The following DCAF8L2 variants were observed in gnomAD, a reference collection of about 807,000 sequenced individuals.
The protein encoded by DCAF8L2 is DDB1 and CUL4 associated factor 8 like 2.
For missense variants in DCAF8L2, 430 were observed against 490.7 expected (o/e 0.88, Z 1.17); for synonymous variants, 200 against 190.9 (o/e 1.05, Z -0.39).
intron 3 of DCAF8L2, among the ~76,000 whole-genome samples, chrX:27,699,991 C>T (rs912852621): frequency 1.1e-4 from 12 of 111,135 alleles, no homozygotes; most frequent in African/African-American, 3.3e-4. Flanking sequence ...GCTATGATTG[C>T]ATCACTGCAC....
intron 2 of DCAF8L2, among the ~76,000 whole-genome samples, chrX:27,659,624 A>G (rs1403373865): frequency 9.2e-6 from 1 of 108,368 alleles, no homozygotes; most frequent in Non-Finnish European, 1.9e-5. Flanking sequence ...AGCTCTCTTC[A>G]TTTTTTTTTC....
chrX:27,685,652 C>T (rs747495516), intron 3 of DCAF8L2, among the ~76,000 whole-genome samples: 5 of 111,866 alleles, frequency 4.5e-5, no homozygotes, highest in Admixed American at 1.9e-4. Flanking sequence ...TGGTGCAACA[C>T]TTCAGGACAT....
intron 2 of DCAF8L2, among the ~76,000 whole-genome samples, chrX:27,663,361 T>C (rs1343201687): frequency 1.8e-5 from 2 of 112,279 alleles, no homozygotes; most frequent in Non-Finnish European, 3.8e-5. Context: ...CAATTCTGCA[T>C]TGAGCAAGTA....
chrX:27,596,965 A>G lies in DCAF8L2; in HGVS notation c.-342+6525A>G, dbSNP rs1236802516. 9.4e-4 allele frequency among the ~76,000 whole-genome samples: 105 copies of G among 111,180 alleles called. No homozygotes were observed. In the East Asian group the frequency reaches 0.013, roughly 13 times the overall value. ...TTTTTTTGGCAGCTAAAATAATTGT[A>G]TTTGTTTTCTGTTGTTATTAGAAAA... On this transcript the variant is annotated intron_variant, in intron 1 of 4. Transcript: ENST00000451261.
intron 3 of DCAF8L2, among the ~76,000 whole-genome samples, chrX:27,680,625 G>T (rs1311602970): frequency 1.8e-5 from 2 of 110,453 alleles, no homozygotes; most frequent in Non-Finnish European, 1.9e-5. Context: ...CAATGCCAGT[G>T]TCCAGTTTTT....
the DCAF8L2 span, among the ~76,000 whole-genome samples, chrX:27,546,650 A>C: frequency 2.7e-5 from 3 of 112,235 alleles, no homozygotes; most frequent in Admixed American, 9.4e-5. Context: ...ACTTTTGTGC[A>C]CCCACAGGCC....
At chrX:27,728,223 C>T (rs1315502957) in intron 4 of DCAF8L2, among the ~76,000 whole-genome samples, 1 of 111,547 alleles carries the variant, frequency 9.0e-6, no homozygotes, top group Non-Finnish European at 1.9e-5. Flanking sequence ...TTACCCCCTG[C>T]GTGAATGTTC....
chrX:27,683,189 A>T (rs1243097324), intron 3 of DCAF8L2, among the ~76,000 whole-genome samples: 1 of 111,954 alleles, frequency 8.9e-6, no homozygotes, highest in Non-Finnish European at 1.9e-5. Flanking sequence ...AACAAAAGGA[A>T]AAATAATTGG....
chrX:27,731,054 G>A (rs770190507), intron 4 of DCAF8L2, among the ~76,000 whole-genome samples: 2 of 110,858 alleles, frequency 1.8e-5, no homozygotes, highest in East Asian at 2.8e-4. Context: ...GCCAGTTTGC[G>A]CTGCTGTAAT....
rs186143412 is a variant in DCAF8L2 at position 27,703,299 on chromosome X, T to G, written c.-142-12789T>G. Among the ~76,000 whole-genome samples, 102 of 111,232 alleles carry G rather than the reference T, an allele frequency of 9.2e-4. No homozygotes were observed. The Admixed American group carries it at 9.3e-3, about 10-fold the overall frequency. On this transcript the variant is annotated intron_variant, in intron 3 of 4. Transcript: ENST00000451261. ...CTACAATCTCTATCAAAATCGCAGC[T>G]GGCATTTTTGCAGATATTGGCAAAC...
chrX:27,514,684 A>C, the DCAF8L2 span, among the ~76,000 whole-genome samples: 20 of 92,582 alleles, frequency 2.2e-4, no homozygotes, highest in Admixed American at 3.5e-4. Flanking sequence ...AAAAAAAAAA[A>C]AAAAAAAAAA....
At chrX:27,537,169 TCAAAA>T in the DCAF8L2 span, among the ~76,000 whole-genome samples, 2 of 112,115 alleles carry the variant, frequency 1.8e-5, no homozygotes, top group Non-Finnish European at 3.8e-5. Context: ...CATGTAAAAG[TCAAAA>T]CAAAAGTGAA....
intron 2 of DCAF8L2, among the ~76,000 whole-genome samples, chrX:27,672,829 T>G (rs750538213): frequency 5.7e-4 from 64 of 112,367 alleles, no homozygotes; most frequent in African/African-American, 1.9e-3. Context: ...TTGCCTTTTC[T>G]CGTGTCAAAT....
intron 2 of DCAF8L2, among the ~76,000 whole-genome samples, chrX:27,668,225 C>T (rs923962703): frequency 1.8e-5 from 2 of 111,976 alleles, no homozygotes; most frequent in African/African-American, 6.5e-5. Context: ...CTTAATCCTA[C>T]ATACATCCTG....
intron 1 of DCAF8L2, among the ~76,000 whole-genome samples, chrX:27,608,047 AGAT>A (rs1926987888): frequency 8.9e-6 from 1 of 111,776 alleles, no homozygotes; most frequent in South Asian, 3.7e-4. Context: ...CTAAAGGAAA[AGAT>A]GACAGTGTTT....
chrX:27,478,994 G>A, the DCAF8L2 span, among the ~76,000 whole-genome samples: 33 of 111,352 alleles, frequency 3.0e-4, no homozygotes, highest in Non-Finnish European at 4.3e-4. Flanking sequence ...TTAAAGAATA[G>A]AATATGACAA....
chrX:27,538,385 TTTTATTTA>T, the DCAF8L2 span, among the ~76,000 whole-genome samples: 10 of 110,322 alleles, frequency 9.1e-5, no homozygotes, highest in African/African-American at 2.6e-4. Flanking sequence ...CAACAAAAAT[TTTTATTTA>T]TTTATTTATT....
intron 3 of DCAF8L2, among the ~76,000 whole-genome samples, chrX:27,694,591 T>C (rs986112091): frequency 2.7e-5 from 3 of 111,251 alleles, no homozygotes; most frequent in Non-Finnish European, 5.7e-5. Context: ...TATCAAGTAA[T>C]AACTACTGCC....
the DCAF8L2 span, among the ~76,000 whole-genome samples, chrX:27,521,501 A>T: frequency 8.9e-6 from 1 of 112,505 alleles, no homozygotes; most frequent in Non-Finnish European, 1.9e-5. Flanking sequence ...AGAAGGTAAA[A>T]GAAGGAACAC....
Sources: gnomAD v4.1 joint callset for allele counts (sites outside exome capture counted in the v4.1 genomes callset) on GRCh38, gnomAD v4.1.1 for gene constraint, MANE v1.5 for transcripts, NCBI Gene and HGNC (gene_info 2026-07-23, HGNC 2026-07-21) for gene names.